The following EPB41L4A variants were observed in gnomAD, a reference collection of about 807,000 sequenced individuals.
EPB41L4A encodes erythrocyte membrane protein band 4.1 like 4A.
A neutral mutation model predicts 108.6 loss-of-function variants in EPB41L4A; 100 were observed. That is an observed-to-expected ratio of 0.92 (90% confidence interval 0.78 to 1.09). The LOEUF (loss-of-function observed/expected upper bound fraction) is 1.09. Ranked by LOEUF, EPB41L4A falls within the 50% of genes least tolerant of loss-of-function variation. The pLI, the probability that EPB41L4A is intolerant of heterozygous loss-of-function variation, is 0.00. For missense variants in EPB41L4A, 1,030 were observed against 842.7 expected (o/e 1.22, Z -2.75); for synonymous variants, 319 against 289.0 (o/e 1.10, Z -1.05).
intron 11 of EPB41L4A, 156 bp downstream of exon 11, chr5:112,239,504 T>C (rs1439360351): frequency 4.5e-6 from 2 of 441,132 alleles, no homozygotes; most frequent in Non-Finnish European, 8.0e-6. Context: ...ATCATGTTTG[T>C]TGAGAAAGTT....
intron 1 of EPB41L4A, among the ~76,000 whole-genome samples, chr5:112,385,023 C>G (rs994622756): frequency 5.3e-5 from 8 of 152,174 alleles, no homozygotes; most frequent in African/African-American, 1.9e-4. Context: ...TGGAAGTAGC[C>G]CGGGTGACCC....
intron 1 of EPB41L4A, among the ~76,000 whole-genome samples, chr5:112,391,687 C>T (rs7736739): frequency 0.14 from 21,374 of 152,040 alleles, 4,216 homozygotes; most frequent in African/African-American, 0.44. Context: ...ACTTTCCCAA[C>T]CTAGCAAGGC....
intron 1 of EPB41L4A, among the ~76,000 whole-genome samples, chr5:112,345,815 A>G (rs942016969): frequency 7.1e-6 from 1 of 140,456 alleles, no homozygotes; most frequent in Non-Finnish European, 1.6e-5. Context: ...ACACACACAC[A>G]CACACACGCA....
At chr5:112,234,003 T>A (rs1205616085) in intron 12 of EPB41L4A, among the ~76,000 whole-genome samples, 1 of 151,554 alleles carries the variant, frequency 6.6e-6, no homozygotes, top group African/African-American at 2.4e-5. Flanking sequence ...CAAGATTTTA[T>A]GTAAAATAAA....
chr5:112,156,212 T>C (rs886794732), intron 12 of EPB41L4A, among the ~76,000 whole-genome samples: 5 of 152,016 alleles, frequency 3.3e-5, no homozygotes, highest in African/African-American at 1.2e-4. Context: ...AATGTAGAAA[T>C]AGAAGGAAAC....
Position 112,338,655 on chromosome 5 carries a change from A to G in EPB41L4A, c.100-31165T>C, listed in dbSNP as rs138067868. 1.2e-3 allele frequency among the ~76,000 whole-genome samples: 188 copies of G among 152,358 alleles called. 1 individual carries two copies. In the South Asian group the frequency reaches 0.017, roughly 13 times the overall value. On this transcript the variant is annotated intron_variant, in intron 1 of 22. Transcript: ENST00000261486. ...GCTTTCCATTCTCTTCGTAGCAGTT[A>G]TAACTTGACAAACACATACACACAT...
chr5:112,389,036 T>C (rs1760751310), intron 1 of EPB41L4A, among the ~76,000 whole-genome samples: 1 of 152,104 alleles, frequency 6.6e-6, no homozygotes, highest in Admixed American at 6.5e-5. Context: ...CTAAAGTAAT[T>C]TCTGATCCCA....
intron 9 of EPB41L4A, among the ~76,000 whole-genome samples, chr5:112,244,600 AGATATGATG>A (rs1750073870): frequency 6.6e-6 from 1 of 152,196 alleles, no homozygotes; most frequent in Admixed American, 6.5e-5. Context: ...TGGTTTCATC[AGATATGATG>A]TCTACATAGT....
chr5:112,394,731 A>G (rs1178045935), intron 1 of EPB41L4A, among the ~76,000 whole-genome samples: 1 of 152,186 alleles, frequency 6.6e-6, no homozygotes, highest in African/African-American at 2.4e-5. Flanking sequence ...ACAGAATTGG[A>G]AAAAACTACT....
intron 1 of EPB41L4A, among the ~76,000 whole-genome samples, chr5:112,379,570 G>A (rs1317278485): frequency 2.0e-5 from 3 of 152,248 alleles, no homozygotes; most frequent in Non-Finnish European, 4.4e-5. Flanking sequence ...GGCCATAAGG[G>A]AGAAAACACT....
intron 1 of EPB41L4A, among the ~76,000 whole-genome samples, chr5:112,313,858 CTTTTTTTTTT>C (rs1188991050): frequency 2.2e-5 from 2 of 89,480 alleles, no homozygotes; most frequent in African/African-American, 9.2e-5. Flanking sequence ...AGGTAACTTT[CTTTTTTTTTT>C]TTTTTTTTTT....
Position 112,259,263 on chromosome 5 carries a change from T to A in EPB41L4A, c.761A>T (p.Glu254Val), listed in dbSNP as rs1322703198. Residue 254 changes from glutamate (E) to valine (V), a missense_variant, in exon 9 of 23, where the codon GAG becomes GTG. Coordinates refer to ENST00000261486, the MANE Select transcript of EPB41L4A (RefSeq NM_022140.5). ...CAGTACTCTGAGTTCAAATTGAGTC[T>A]CCTTGAAGTGAACCTTTGTAATCCG... is the stretch of plus-strand genomic sequence containing the variant. ...WPRITKVHFK[E>V]TQFELRVLGK... is the part of the protein sequence containing the mutation. The A allele has an allele frequency of 6.2e-7, 1 of 1,613,888 alleles. No homozygotes were observed. The highest frequency in any genetic ancestry group is 8.5e-7 in the Non-Finnish European group (1 of 1,179,868).
At chr5:112,265,838 C>A (rs1751811590) in intron 5 of EPB41L4A, among the ~76,000 whole-genome samples, 1 of 152,204 alleles carries the variant, frequency 6.6e-6, no homozygotes. Context: ...CGGAACCTAG[C>A]AATAGCACCT....
At chr5:112,158,666 G>A (rs996130429), downstream of EPB41L4A, among the ~76,000 whole-genome samples, 15 of 152,144 alleles carry the variant, frequency 9.9e-5, no homozygotes, top group Non-Finnish European at 1.6e-4. Flanking sequence ...AGCGGAAGGG[G>A]AAGCAAACAC....
At chr5:112,229,227 T>C (rs900449110) in intron 12 of EPB41L4A, among the ~76,000 whole-genome samples, 1 of 152,128 alleles carries the variant, frequency 6.6e-6, no homozygotes, top group African/African-American at 2.4e-5. Context: ...TTGAAACACA[T>C]CACATTTATT....
In EPB41L4A at chr5:112,418,985, C is replaced by T; in HGVS notation, c.55G>A (p.Asp19Asn). 1 of 1,613,648 alleles carries T rather than the reference C, an allele frequency of 6.2e-7. No individual in the cohort carries two copies. The highest frequency in any genetic ancestry group is 8.5e-7 in the Non-Finnish European group (1 of 1,179,720). The change falls in exon 1 of 23, where the codon GAT (aspartate) becomes AAT (asparagine). Residue 19 changes from aspartate (D) to asparagine (N), a missense_variant. Coordinates refer to ENST00000261486, the MANE Select transcript of EPB41L4A (RefSeq NM_022140.5). ...EEFYCEVLLL[D>N]ESKLTLTTQQ... is the part of the protein sequence containing the mutation. ...GTGGTAAGGGTTAACTTGGATTCATCCAGGAGCAAAACTTCGCAGTAAAAT... is the reference window on the plus strand; with the variant it reads ...GTGGTAAGGGTTAACTTGGATTCATTCAGGAGCAAAACTTCGCAGTAAAAT...
chr5:112,331,047 T>G (rs1756529574), intron 1 of EPB41L4A, among the ~76,000 whole-genome samples: 2 of 152,192 alleles, frequency 1.3e-5, no homozygotes, highest in Non-Finnish European at 2.9e-5. Context: ...TTAAAAATCC[T>G]TACCCAAAAT....
chr5:112,280,451 T>G, intron 2 of EPB41L4A, 128 bp from the exon 3 acceptor site: 1 of 799,428 alleles, frequency 1.3e-6, no homozygotes, highest in Non-Finnish European at 2.2e-6. Flanking sequence ...TTCTCTCATA[T>G]ACACACACAA....
At chr5:112,307,542 T>A in intron 1 of EPB41L4A, 52 bp from the exon 2 acceptor site, 1 of 1,157,098 alleles carries the variant, frequency 8.6e-7, no homozygotes, top group Non-Finnish European at 1.3e-6. Context: ...TGTTCCTAAG[T>A]AGTACACAGT....
Sources: allele counts gnomAD v4.1 joint callset (sites outside exome capture counted in the v4.1 genomes callset), GRCh38; gene constraint gnomAD v4.1.1; transcripts MANE v1.5; gene names NCBI Gene and HGNC (gene_info 2026-07-23, HGNC 2026-07-21).